MARCHF5: variants seen among roughly 807,000 people sequenced by gnomAD.
The protein encoded by MARCHF5 is membrane associated ring-CH-type finger 5.
Under a neutral mutation model 36.5 loss-of-function variants are expected in MARCHF5, and 5 were observed. That is an observed-to-expected ratio of 0.14 (90% CI 0.07 to 0.29). MARCHF5 has a LOEUF of 0.29. Ranked by LOEUF, MARCHF5 falls within the 10% of genes least tolerant of loss-of-function variation. MARCHF5 has a pLI of 1.00. For missense variants in MARCHF5, 179 were observed against 336.3 expected (o/e 0.53, Z 3.66); for synonymous variants, 103 against 109.9 (o/e 0.94, Z 0.39).
chr10:92,328,823 T>TATATATA (rs1330052359), intron 2 of MARCHF5, among the ~76,000 whole-genome samples: 10 of 130,818 alleles, frequency 7.6e-5, no homozygotes, highest in African/African-American at 2.5e-4. Context: ...ATATATATAT[T>TATATATA]TTTTTTTTTT....
chr10:92,345,956 C>G (rs1466803872), intron 3 of MARCHF5, among the ~76,000 whole-genome samples: 1 of 152,148 alleles, frequency 6.6e-6, no homozygotes, highest in Non-Finnish European at 1.5e-5. Flanking sequence ...TCCCAAAGTG[C>G]TTGGATTACA....
At chr10:92,339,662 T>G (rs1843551979) in intron 2 of MARCHF5, among the ~76,000 whole-genome samples, 1 of 151,924 alleles carries the variant, frequency 6.6e-6, no homozygotes, top group Non-Finnish European at 1.5e-5. Flanking sequence ...AGAGCGAGAC[T>G]CCATCTCAAA....
intron 2 of MARCHF5, among the ~76,000 whole-genome samples, chr10:92,313,401 G>T (rs888284457): frequency 6.6e-6 from 1 of 151,782 alleles, no homozygotes; most frequent in African/African-American, 2.4e-5. Flanking sequence ...TCAGGAGATC[G>T]AGACCATCCT....
chr10:92,307,709 T>C (rs1331144855), intron 1 of MARCHF5, among the ~76,000 whole-genome samples: 2 of 152,114 alleles, frequency 1.3e-5, no homozygotes, highest in Middle Eastern at 3.4e-3. Flanking sequence ...ACCCTATCTC[T>C]ACTAAAAATA....
Position 92,353,942 on chromosome 10 carries a change from T to C in MARCHF5, c.*2735T>C, listed in dbSNP as rs941361325. 9.8e-5 allele frequency: 15 copies of C among 152,734 alleles called. No individual in the cohort carries two copies. The highest frequency in any genetic ancestry group is 1.2e-4 in the African/African-American group (5 of 41,560). 9.5% of individuals were successfully genotyped at this position (152,734 alleles called of 1,614,324 possible). ...CTATCTCAATACTGGCTGGATTAGGTTAAATAAAGAATTTTTATGTTCTCT... is the reference window on the plus strand; with the variant it reads ...CTATCTCAATACTGGCTGGATTAGGCTAAATAAAGAATTTTTATGTTCTCT... On this transcript the variant is annotated 3_prime_UTR_variant, in exon 6 of 6. Transcript: ENST00000358935.
At chr10:92,311,683 A>G (rs1273111058) in intron 2 of MARCHF5, among the ~76,000 whole-genome samples, 1 of 152,250 alleles carries the variant, frequency 6.6e-6, no homozygotes, top group Non-Finnish European at 1.5e-5. Context: ...GAGACGGTGT[A>G]AGAGAAAGAA....
intron 1 of MARCHF5, among the ~76,000 whole-genome samples, chr10:92,304,306 C>T (rs1407591538): frequency 6.6e-6 from 1 of 152,152 alleles, no homozygotes; most frequent in Admixed American, 6.6e-5. Context: ...TATATATGTG[C>T]TAGGCAATTT....
intron 2 of MARCHF5, among the ~76,000 whole-genome samples, chr10:92,314,757 C>CTG (rs1564946327): frequency 1.6e-5 from 2 of 122,340 alleles, no homozygotes; most frequent in Non-Finnish European, 3.3e-5. Flanking sequence ...CGCCCCCCCC[C>CTG]GCCAATAGAG....
intron 1 of MARCHF5, among the ~76,000 whole-genome samples, chr10:92,300,729 T>C (rs1843002354): frequency 6.6e-6 from 1 of 152,182 alleles, no homozygotes; most frequent in Non-Finnish European, 1.5e-5. Context: ...GGTTTTTGTT[T>C]TTGGGTTTTG....
At chr10:92,298,763 G>A (rs969106757) in intron 1 of MARCHF5, among the ~76,000 whole-genome samples, 5 of 152,052 alleles carry the variant, frequency 3.3e-5, no homozygotes, top group Non-Finnish European at 7.4e-5. Context: ...GGCTTTCGCC[G>A]TGTTGCCCAG....
At chr10:92,331,281 C>T (rs1164528105) in intron 2 of MARCHF5, among the ~76,000 whole-genome samples, 1 of 151,928 alleles carries the variant, frequency 6.6e-6, no homozygotes, top group Non-Finnish European at 1.5e-5. Flanking sequence ...CTTGGTTTTA[C>T]CTTGATTCAG....
At chr10:92,293,459 T>G (rs1279775759) in intron 1 of MARCHF5, among the ~76,000 whole-genome samples, 3 of 151,978 alleles carry the variant, frequency 2.0e-5, no homozygotes, top group Admixed American at 1.3e-4. Flanking sequence ...TCTTTGGATA[T>G]TTCCATAAAA....
intron 1 of MARCHF5, among the ~76,000 whole-genome samples, chr10:92,301,178 C>T (rs769573163): frequency 2.0e-5 from 3 of 152,148 alleles, no homozygotes; most frequent in East Asian, 1.9e-4. Flanking sequence ...TGAGCCACCA[C>T]GCCTGACCTG....
intron 2 of MARCHF5, among the ~76,000 whole-genome samples, chr10:92,312,345 G>A (rs1843154248): frequency 1.3e-5 from 2 of 152,266 alleles, no homozygotes; most frequent in South Asian, 4.1e-4. Context: ...TCTCTAACAT[G>A]CACAGGAAGA....
chr10:92,349,409 A>G lies in MARCHF5; in HGVS notation c.430A>G (p.Ile144Val). ...GAGAGCTGATCCTTTATTCCTTTTA[A>G]TTGGACTTCCTACTATTCCTGTCAT... ...MERADPLFLL[I>V]GLPTIPVMLI... is the part of the protein sequence containing the mutation. Residue 144 changes from isoleucine (I) to valine (V), a missense_variant, in exon 4 of 6, where the codon ATT (isoleucine) becomes GTT (valine). This residue lies in a region of MARCHF5 where 66 missense variants were observed against 180.5 expected (regional missense o/e 0.37). Transcript: ENST00000358935. The G allele has an allele frequency of 6.2e-7, 1 of 1,614,084 alleles. No individual in the cohort carries two copies. Among genetic ancestry groups the G allele is most frequent in the Non-Finnish European group, 8.5e-7 (1 of 1,179,996 alleles).
At chr10:92,295,399 A>ATTTTTTTTTTTTTTTTT (rs1234961486) in intron 1 of MARCHF5, among the ~76,000 whole-genome samples, 1 of 65,014 alleles carries the variant, frequency 1.5e-5, no homozygotes, top group Non-Finnish European at 3.3e-5. Context: ...TTATTTATTT[A>ATTTTTTTTTTTTTTTTT]TTTATTTATT....
chr10:92,331,436 C>A (rs1247084262), intron 2 of MARCHF5, among the ~76,000 whole-genome samples: 1 of 152,062 alleles, frequency 6.6e-6, no homozygotes, highest in Non-Finnish European at 1.5e-5. Flanking sequence ...CCTCCCCCCC[C>A]ATAATCTTTA....
At chr10:92,293,236 G>T (rs1842911496) in intron 1 of MARCHF5, among the ~76,000 whole-genome samples, 1 of 151,946 alleles carries the variant, frequency 6.6e-6, no homozygotes, top group Non-Finnish European at 1.5e-5. Flanking sequence ...CTCCCTAGTA[G>T]CTGGGACCAC....
chr10:92,326,341 T>C (rs1843358042), intron 2 of MARCHF5, among the ~76,000 whole-genome samples: 1 of 152,166 alleles, frequency 6.6e-6, no homozygotes, highest in African/African-American at 2.4e-5. Flanking sequence ...ATAATAGATA[T>C]TGTCCTCAGT....
Sources: allele counts gnomAD v4.1 joint callset (sites outside exome capture counted in the v4.1 genomes callset), GRCh38; gene constraint gnomAD v4.1.1; regional missense constraint gnomAD v4.1.1; transcripts MANE v1.5; gene names NCBI Gene and HGNC (gene_info 2026-07-23, HGNC 2026-07-21).